TCF12: variants seen among roughly 807,000 people sequenced by gnomAD.
TCF12 encodes the protein DNA-binding protein HTF4.
Under a neutral mutation model 86.0 loss-of-function variants are expected in TCF12, and 45 were observed. The ratio of observed to expected loss-of-function variants is 0.52; its 90% CI spans 0.41 to 0.67. The LOEUF is 0.67. Ranked by LOEUF, TCF12 falls within the 30% of genes least tolerant of loss-of-function variation. TCF12 has a pLI of 0.00. For missense variants in TCF12, 881 were observed against 859.9 expected, an observed-to-expected ratio of 1.02 and a Z score of -0.31; for synonymous variants, 330 against 299.6, an observed-to-expected ratio of 1.10 and a Z score of -1.05.
chr15:57,210,000 G>A (rs1289299155), intron 8 of TCF12, among the ~76,000 whole-genome samples: 1 of 151,998 alleles, frequency 6.6e-6, no homozygotes, highest in African/African-American at 2.4e-5. Context: ...AAGATCTTTT[G>A]TGACCATCCT....
chr15:57,253,571 A>C, intron 16 of TCF12, 103 bp downstream of exon 16: 1 of 1,361,362 alleles, frequency 7.3e-7, no homozygotes, highest in Non-Finnish European at 1.0e-6. Context: ...AGGAAGGCAA[A>C]GACTGACTTT....
intron 7 of TCF12, among the ~76,000 whole-genome samples, chr15:57,196,745 C>A (rs114137143): frequency 0.012 from 1,755 of 152,234 alleles, 31 homozygotes; most frequent in African/African-American, 0.039. Flanking sequence ...AATATACTTT[C>A]TCTGTCAAGT....
intron 3 of TCF12, among the ~76,000 whole-genome samples, chr15:57,040,249 G>A (rs961543517): frequency 2.2e-4 from 34 of 152,182 alleles, no homozygotes; most frequent in African/African-American, 7.9e-4. Context: ...TTAATTTATC[G>A]TTCAATCTAG....
intron 5 of TCF12, among the ~76,000 whole-genome samples, chr15:57,108,234 G>A (rs913080086): frequency 3.9e-5 from 6 of 152,020 alleles, no homozygotes; most frequent in Non-Finnish European, 7.4e-5. Context: ...TGAGGGAAAG[G>A]CAGTACAGGA....
chr15:57,232,699 T>A lies in TCF12; in HGVS notation c.826-13T>A, dbSNP rs1323174592. ...GAAAATATATTTAATAGATCATATCTCTTTCCATCTAGAGTTATCCTCCAC... is the reference window on the plus strand; with the variant it reads ...GAAAATATATTTAATAGATCATATCACTTTCCATCTAGAGTTATCCTCCAC... On this transcript the variant is annotated splice_polypyrimidine_tract_variant and intron_variant, in intron 10 of 20. Coordinates refer to ENST00000333725, the MANE Select transcript of TCF12 (RefSeq NM_207037.2). The A allele has an allele frequency of 1.0e-5, 16 of 1,607,700 alleles. No individual in the cohort carries two copies. The Admixed American group carries it at 2.2e-4, about 22-fold the overall frequency.
At chr15:56,926,444 T>A (rs1355432497) in intron 3 of TCF12, among the ~76,000 whole-genome samples, 1 of 152,162 alleles carries the variant, frequency 6.6e-6, no homozygotes, top group Non-Finnish European at 1.5e-5. Context: ...AGAAAGAGGC[T>A]GTGCTGAAGA....
intron 3 of TCF12, among the ~76,000 whole-genome samples, chr15:57,045,242 G>T (rs1253053635): frequency 2.0e-5 from 3 of 152,130 alleles, no homozygotes; most frequent in African/African-American, 7.2e-5. Context: ...AGGAACTGGG[G>T]CAAAAAAGTG....
At chr15:57,144,654 G>A (rs998093063) in intron 5 of TCF12, among the ~76,000 whole-genome samples, 1 of 152,108 alleles carries the variant, frequency 6.6e-6, no homozygotes, top group African/African-American at 2.4e-5. Context: ...GCTGGAGTGT[G>A]GTGGCACGAG....
Position 57,180,622 on chromosome 15 carries a change from A to C in TCF12, c.391-11536A>C, listed in dbSNP as rs190035470. Among the ~76,000 whole-genome samples, 98 of 150,398 alleles carry C rather than the reference A, an allele frequency of 6.5e-4. 1 individual carries two copies. Among genetic ancestry groups the C allele is most frequent in the African/African-American group, 2.0e-3 (83 of 41,180 alleles). On this transcript the variant is annotated intron_variant, in intron 6 of 20. Transcript: ENST00000333725. ...AAACTGCATACCACTTCAGGGGTGT[A>C]AGATAGGCTTGAAATTAAGGAATTC...
At chr15:57,022,697 G>T (rs568514616) in intron 3 of TCF12, among the ~76,000 whole-genome samples, 1 of 152,180 alleles carries the variant, frequency 6.6e-6, no homozygotes, top group Non-Finnish European at 1.5e-5. Flanking sequence ...GTGTAAAAGT[G>T]TTCCTATTTC....
intron 6 of TCF12, among the ~76,000 whole-genome samples, chr15:57,187,508 C>CA (rs1212127870): frequency 2.0e-5 from 3 of 152,036 alleles, no homozygotes; most frequent in Admixed American, 2.0e-4. Flanking sequence ...AGCTGATGAG[C>CA]AAAAAAATAA....
At chr15:56,948,094 T>A (rs1278584481) in intron 3 of TCF12, among the ~76,000 whole-genome samples, 1 of 152,130 alleles carries the variant, frequency 6.6e-6, no homozygotes, top group Non-Finnish European at 1.5e-5. Context: ...TTGTGAAGTT[T>A]AAATGAGATG....
intron 13 of TCF12, chr15:57,247,420 A>C: frequency 2.9e-6 from 2 of 692,240 alleles, no homozygotes; most frequent in Non-Finnish European, 5.3e-6. Context: ...TCTGTCATCC[A>C]GCAGACTACA....
Position 57,021,561 on chromosome 15 carries a change from A to G in TCF12, c.149-42189A>G, listed in dbSNP as rs144896691. On this transcript the variant is annotated intron_variant, in intron 3 of 20. Transcript: ENST00000333725. Reference sequence around the variant, plus strand: ...AGCTACATGCCTCAGAATCTGTCTTAGGAAAACAGGCTTATATAGGGCAGC... The same window carrying G: ...AGCTACATGCCTCAGAATCTGTCTTGGGAAAACAGGCTTATATAGGGCAGC... Among the ~76,000 whole-genome samples the G allele has an allele frequency of 7.9e-3, 1,208 of 152,314 alleles. 7 individuals are homozygous for G. Among genetic ancestry groups the G allele is most frequent in the Non-Finnish European group, 0.011 (736 of 68,024 alleles).
At chr15:57,282,887 A>C (rs2061757349) in intron 20 of TCF12, among the ~76,000 whole-genome samples, 1 of 152,202 alleles carries the variant, frequency 6.6e-6, no homozygotes, top group Non-Finnish European at 1.5e-5. Flanking sequence ...TCCTGATCCA[A>C]GAAGAAATAG....
At chr15:57,092,980 GGA>G (rs1178771343) in intron 5 of TCF12, among the ~76,000 whole-genome samples, 2 of 152,108 alleles carry the variant, frequency 1.3e-5, no homozygotes, top group Non-Finnish European at 2.9e-5. Context: ...ATAGTGTCGA[GGA>G]GACAGAATCT....
chr15:57,220,024 C>G (rs1389147271), intron 8 of TCF12, among the ~76,000 whole-genome samples: 1 of 152,082 alleles, frequency 6.6e-6, no homozygotes, highest in African/African-American at 2.4e-5. Flanking sequence ...CCGCGCCCAG[C>G]CTAGATTGTA....
At chr15:57,041,682 G>C (rs1299801503) in intron 3 of TCF12, among the ~76,000 whole-genome samples, 2 of 152,028 alleles carry the variant, frequency 1.3e-5, no homozygotes, top group African/African-American at 4.8e-5. Flanking sequence ...TCATGTAAAT[G>C]GGCTTATTTT....
intron 3 of TCF12, among the ~76,000 whole-genome samples, chr15:57,062,471 C>T (rs2141710136): frequency 6.6e-6 from 1 of 151,962 alleles, no homozygotes; most frequent in Admixed American, 6.6e-5. Flanking sequence ...TTAAAATATA[C>T]TTTAGTCACT....
Sources: gnomAD v4.1 joint callset for allele counts (sites outside exome capture counted in the v4.1 genomes callset) on GRCh38, gnomAD v4.1.1 for gene constraint, MANE v1.5 for transcripts, NCBI Gene and HGNC (gene_info 2026-07-23, HGNC 2026-07-21) for gene names.